The following MCC variants were observed in gnomAD, a reference collection of about 807,000 sequenced individuals.
MCC encodes MCC regulator of Wnt signaling pathway.
A neutral mutation model predicts 116.2 loss-of-function variants in MCC; 90 were observed. The observed-to-expected ratio is 0.77, with a 90% CI of 0.65 to 0.92. The LOEUF is 0.92. Among genes scored for constraint, MCC ranks in the 40% least tolerant of loss-of-function variants. The pLI is 0.00. For synonymous variants in MCC, 578 were observed against 510.5 expected (o/e 1.13, Z -1.78); for missense variants, 1,516 against 1,312.2 (o/e 1.16, Z -2.40).
At chr5:113,300,645 C>A (rs1472356106) in intron 3 of MCC, among the ~76,000 whole-genome samples, 1 of 151,976 alleles carries the variant, frequency 6.6e-6, no homozygotes, top group African/African-American at 2.4e-5. Flanking sequence ...AATTAGGGAG[C>A]CCTCAAAGTA....
chr5:113,162,615 G>C (rs1760552378), intron 3 of MCC, among the ~76,000 whole-genome samples: 1 of 151,962 alleles, frequency 6.6e-6, no homozygotes, highest in Non-Finnish European at 1.5e-5. Flanking sequence ...TCCCACCTCA[G>C]CCTCTCCAGT....
intron 6 of MCC, among the ~76,000 whole-genome samples, chr5:113,110,888 T>C (rs1757051809): frequency 6.6e-6 from 1 of 152,152 alleles, no homozygotes; most frequent in Non-Finnish European, 1.5e-5. Context: ...AATGAGAAGA[T>C]CTGGCAATGC....
intron 1 of MCC, among the ~76,000 whole-genome samples, chr5:113,451,381 C>T (rs1025399285): frequency 3.9e-5 from 6 of 152,218 alleles, no homozygotes; most frequent in Non-Finnish European, 5.9e-5. Flanking sequence ...TATTATTGTA[C>T]TGGTCACCAT....
At chr5:113,482,780 T>C (rs1298271993) in intron 1 of MCC, among the ~76,000 whole-genome samples, 2 of 152,190 alleles carry the variant, frequency 1.3e-5, no homozygotes, top group African/African-American at 4.8e-5. Flanking sequence ...CAATTTTTTC[T>C]TTTGTAGCTT....
intron 4 of MCC, among the ~76,000 whole-genome samples, chr5:113,146,488 T>C (rs1759529971): frequency 1.3e-5 from 2 of 151,462 alleles, no homozygotes; most frequent in Admixed American, 6.6e-5. Flanking sequence ...CTAGGGAGCA[T>C]GAATGTTAGG....
At chr5:113,281,451 T>C (rs1207662479) in intron 3 of MCC, among the ~76,000 whole-genome samples, 6 of 152,206 alleles carry the variant, frequency 3.9e-5, no homozygotes, top group Non-Finnish European at 2.9e-5. Flanking sequence ...CAGTGCATCC[T>C]TATTCTGGAC....
intron 1 of MCC, among the ~76,000 whole-genome samples, chr5:113,421,477 G>C (rs1038188399): frequency 6.6e-6 from 1 of 152,042 alleles, no homozygotes; most frequent in African/African-American, 2.4e-5. Flanking sequence ...CATATTAATG[G>C]TCCATCCTCT....
intron 14 of MCC, among the ~76,000 whole-genome samples, chr5:113,057,850 C>T (rs572074160): frequency 6.6e-6 from 1 of 152,356 alleles, no homozygotes; most frequent in Admixed American, 6.5e-5. Context: ...CAAGTACTGG[C>T]ACTGTTTGCA....
rs368483562 is a variant in MCC, at chr5:113,227,240, G to A, written c.628-75818C>T. Among the ~76,000 whole-genome samples, 162 of 152,274 alleles carry A rather than the reference G, an allele frequency of 1.1e-3. 1 individual carries two copies. Among genetic ancestry groups the A allele is most frequent in the African/African-American group, 3.7e-3 (155 of 41,556 alleles). On this transcript the variant is annotated intron_variant, in intron 3 of 18. Transcript: ENST00000408903. ...TGAAGTTATCTCTACCTATTATCCT[G>A]TTTCTAGAGCAACTTCTATCAATGG...
intron 1 of MCC, among the ~76,000 whole-genome samples, chr5:113,450,403 C>A (rs1007865707): frequency 1.3e-5 from 2 of 152,080 alleles, no homozygotes; most frequent in Non-Finnish European, 2.9e-5. Flanking sequence ...GGTGGGGACC[C>A]GGGAGCTTGA....
chr5:113,315,108 C>T (rs1231539711), intron 3 of MCC, among the ~76,000 whole-genome samples: 1 of 152,200 alleles, frequency 6.6e-6, no homozygotes, highest in Non-Finnish European at 1.5e-5. Flanking sequence ...TCAGTATTCA[C>T]GTTCTTGGCA....
chr5:113,337,358 G>C (rs1038918), intron 3 of MCC, among the ~76,000 whole-genome samples: 82,477 of 152,038 alleles, frequency 0.54, 24,171 homozygotes, highest in African/African-American at 0.76. Flanking sequence ...GCTGGACGAA[G>C]GTTCAGAAGT....
At chr5:113,269,106 G>A in intron 3 of MCC, 1 of 905,172 alleles carries the variant, frequency 1.1e-6, no homozygotes. Context: ...AGGGATGAAG[G>A]AAATAAAAGT....
At chr5:113,048,800 G>T (rs1210392196) in intron 16 of MCC, 12 of 497,568 alleles carry the variant, frequency 2.4e-5, no homozygotes, top group Non-Finnish European at 4.2e-5. Flanking sequence ...AGGATTAGAC[G>T]AAGGAGGTGA....
At chr5:113,349,815 A>G (rs1768222752) in intron 2 of MCC, among the ~76,000 whole-genome samples, 1 of 152,062 alleles carries the variant, frequency 6.6e-6, no homozygotes, top group South Asian at 2.1e-4. Context: ...CCAAAAAGTT[A>G]TTAGAACTGA....
At chr5:113,056,885 A>G (rs951976813) in intron 14 of MCC, among the ~76,000 whole-genome samples, 2 of 152,184 alleles carry the variant, frequency 1.3e-5, no homozygotes, top group Non-Finnish European at 2.9e-5. Flanking sequence ...ATTCTAATAG[A>G]GTAGGCCAGG....
In MCC at chr5:113,415,336, C is replaced by T. The variant is rs1420904553; in HGVS notation, c.171-30124G>A. Among the ~76,000 whole-genome samples, 3 of 152,314 alleles carry T rather than the reference C, an allele frequency of 2.0e-5. No individual in the cohort carries two copies. In the South Asian group the frequency reaches 6.2e-4, roughly 32 times the overall value. On this transcript the variant is annotated intron_variant, in intron 1 of 18. Transcript: ENST00000408903. Reference sequence around the variant, plus strand: ...CCTGCCTTGCTAGGTTGGGGAAGCTCTCCTGGATAATATCCTGAAGAATGT... The same window carrying T: ...CCTGCCTTGCTAGGTTGGGGAAGCTTTCCTGGATAATATCCTGAAGAATGT...
chr5:113,267,228 T>C (rs1245667955), intron 3 of MCC, among the ~76,000 whole-genome samples: 1 of 152,032 alleles, frequency 6.6e-6, no homozygotes, highest in African/African-American at 2.4e-5. Flanking sequence ...GAAATCCTCA[T>C]CAGCTCTCAT....
At chr5:113,186,522 C>T (rs996351102) in intron 3 of MCC, among the ~76,000 whole-genome samples, 4 of 152,150 alleles carry the variant, frequency 2.6e-5, no homozygotes, top group African/African-American at 7.2e-5. Flanking sequence ...CAAATCAAAC[C>T]TCCTAGTCTA....
Sources: allele counts gnomAD v4.1 joint callset (sites outside exome capture counted in the v4.1 genomes callset), GRCh38; gene constraint gnomAD v4.1.1; transcripts MANE v1.5; gene names NCBI Gene and HGNC (gene_info 2026-07-23, HGNC 2026-07-21).